The following EML4 variants were observed in gnomAD, a reference collection of about 807,000 sequenced individuals.
EML4 encodes the protein EMAP like 4, also known as echinoderm microtubule-associated protein-like 4.
Under a neutral mutation model 129.0 loss-of-function variants are expected in EML4, and 72 were observed. The observed-to-expected ratio is 0.56, with a 90% CI of 0.46 to 0.68. EML4 has a LOEUF of 0.68. EML4 is among the 30% of genes least tolerant of loss of function. The pLI, the probability that EML4 is intolerant of heterozygous loss-of-function variation, is 0.00. For synonymous variants in EML4, 532 were observed against 405.0 expected (o/e 1.31, Z -3.77); for missense variants, 1,363 against 1,190.6 (o/e 1.14, Z -2.13).
At chr2:42,172,223 GTACTT>G (rs1670324805) in intron 1 of EML4, among the ~76,000 whole-genome samples, 1 of 152,134 alleles carries the variant, frequency 6.6e-6, no homozygotes, top group Non-Finnish European at 1.5e-5. Flanking sequence ...GAAAAATTGA[GTACTT>G]TATAAACAGA....
intron 1 of EML4, among the ~76,000 whole-genome samples, chr2:42,183,912 G>T (rs552622267): frequency 5.3e-5 from 8 of 152,252 alleles, no homozygotes; most frequent in African/African-American, 1.9e-4. Flanking sequence ...GTGGGTGGTT[G>T]TGTTGGTAGA....
At chr2:42,230,204 T>G (rs746444999) in intron 1 of EML4, among the ~76,000 whole-genome samples, 3 of 152,138 alleles carry the variant, frequency 2.0e-5, no homozygotes, top group Admixed American at 6.5e-5. Flanking sequence ...AACCACTGTT[T>G]GGAGAGTTAT....
rs1041571298 is a variant in EML4, at chr2:42,311,005, A to C, written c.1968-4957A>C. Among the ~76,000 whole-genome samples, 5 of 152,240 alleles carry C rather than the reference A, an allele frequency of 3.3e-5. No homozygotes were observed. The South Asian group carries it at 1.0e-3, about 32-fold the overall frequency. ...ATGATTTACCAAAAGTAGAAGAATT[A>C]GTGTCTAATAATGTATTAATAATTA... On this transcript the variant is annotated intron_variant, in intron 17 of 22. Coordinates refer to ENST00000318522, the MANE Select transcript of EML4 (RefSeq NM_019063.5).
intron 1 of EML4, among the ~76,000 whole-genome samples, chr2:42,192,243 T>TGGG (rs369627234): frequency 2.8e-5 from 4 of 145,052 alleles, no homozygotes; most frequent in African/African-American, 1.1e-4. Flanking sequence ...TTTTTTTTTT[T>TGGG]GGGGGGGGGA....
intron 1 of EML4, among the ~76,000 whole-genome samples, chr2:42,231,343 C>A (rs959101587): frequency 6.6e-6 from 1 of 152,200 alleles, no homozygotes; most frequent in Non-Finnish European, 1.5e-5. Flanking sequence ...TCAATTCTCA[C>A]AACTCCAGTT....
At chr2:42,226,197 T>TA (rs1305583127) in intron 1 of EML4, among the ~76,000 whole-genome samples, 2 of 152,090 alleles carry the variant, frequency 1.3e-5, no homozygotes, top group African/African-American at 4.8e-5. Flanking sequence ...ATCTTCCAGA[T>TA]ACACTTAAAT....
rs1420251747 is a variant in EML4 at position 42,255,359 on chromosome 2, A to C, written c.209-1142A>C. 2.0e-5 allele frequency among the ~76,000 whole-genome samples: 3 copies of C among 152,176 alleles called. No individual in the cohort carries two copies. The East Asian group carries it at 5.8e-4, about 29-fold the overall frequency. ...CTCAGCCTCCCAAAGTGCTGGGATTACAGGCTGAGCCACCGCGCCCAGCCA... is the reference window on the plus strand; with the variant it reads ...CTCAGCCTCCCAAAGTGCTGGGATTCCAGGCTGAGCCACCGCGCCCAGCCA... On this transcript the variant is annotated intron_variant, in intron 2 of 22. Transcript: ENST00000318522.
intron 6 of EML4, among the ~76,000 whole-genome samples, chr2:42,272,977 A>G (rs1666456553): frequency 6.6e-6 from 1 of 152,162 alleles, no homozygotes. Flanking sequence ...CAGAATTTTT[A>G]TATACAGGTT....
At chr2:42,201,051 T>C (rs1672202676) in intron 1 of EML4, among the ~76,000 whole-genome samples, 1 of 152,218 alleles carries the variant, frequency 6.6e-6, no homozygotes, top group Non-Finnish European at 1.5e-5. Flanking sequence ...TTAAGTTCTT[T>C]TAAGTGAAGG....
At chr2:42,265,002 A>G in intron 6 of EML4, 3 of 1,507,220 alleles carry the variant, frequency 2.0e-6, no homozygotes, top group Admixed American at 2.1e-5. Context: ...TTTTTCCTGG[A>G]TCTCTTATTT....
At chr2:42,234,954 C>G (rs1422895822) in intron 1 of EML4, among the ~76,000 whole-genome samples, 3 of 152,066 alleles carry the variant, frequency 2.0e-5, no homozygotes, top group African/African-American at 4.8e-5. Flanking sequence ...GCCAGGAGTT[C>G]AAGGCCAGCC....
intron 7 of EML4, among the ~76,000 whole-genome samples, chr2:42,282,555 G>A (rs1394817407): frequency 3.3e-5 from 5 of 151,946 alleles, no homozygotes; most frequent in African/African-American, 7.3e-5. Context: ...CACCATGCCT[G>A]GCTAATTTTT....
intron 5 of EML4, 38 bp downstream of exon 5, chr2:42,263,344 A>G (rs370198065): frequency 1.9e-6 from 3 of 1,564,954 alleles, no homozygotes; most frequent in African/African-American, 2.8e-5. Flanking sequence ...CTGAAAAGTA[A>G]TAATTATTTG....
intron 1 of EML4, among the ~76,000 whole-genome samples, chr2:42,178,082 A>G (rs1670711236): frequency 6.6e-6 from 1 of 152,266 alleles, no homozygotes; most frequent in Non-Finnish European, 1.5e-5. Context: ...ACAAGTTTTT[A>G]GAATCTGAAT....
At chr2:42,320,566 A>G (rs535137348) in intron 19 of EML4, among the ~76,000 whole-genome samples, 6 of 152,176 alleles carry the variant, frequency 3.9e-5, no homozygotes, top group African/African-American at 7.2e-5. Flanking sequence ...ATTATTTTCC[A>G]TGACTAGATG....
chr2:42,326,325 T>C, intron 21 of EML4, 73 bp downstream of exon 21: 1 of 1,014,694 alleles, frequency 9.9e-7, no homozygotes, highest in Non-Finnish European at 1.5e-6. Flanking sequence ...TGCTTAAATT[T>C]ATAAATGAAA....
At chr2:42,296,477 T>TTCTCTCTC (rs10689031) in intron 13 of EML4, among the ~76,000 whole-genome samples, 2 of 148,920 alleles carry the variant, frequency 1.3e-5, no homozygotes, top group Non-Finnish European at 3.0e-5. Context: ...CACCTTATAC[T>TTCTCTCTC]TCTCTCTCTC....
chr2:42,285,458 A>G (rs936967980), intron 9 of EML4, among the ~76,000 whole-genome samples: 1 of 152,116 alleles, frequency 6.6e-6, no homozygotes, highest in African/African-American at 2.4e-5. Flanking sequence ...TTCAAATGCT[A>G]TTTAAGGGCT....
Position 42,282,897 on chromosome 2 carries a change from C to G in EML4, c.866C>G (p.Ala289Gly). The G allele has an allele frequency of 6.2e-7, 1 of 1,610,496 alleles. No homozygotes were observed. The highest frequency in any genetic ancestry group is 8.5e-7 in the Non-Finnish European group (1 of 1,176,718). The change falls in exon 8 of 23, where the codon GCA (alanine) becomes GGA (glycine). Residue 289 changes from alanine to glycine, a missense_variant. Transcript: ENST00000318522. ...ACCGGGAAAATAGTTTATTTCATTG[C>G]ATCAGTAGTAGTACTATTTAATTAT... is the stretch of plus-strand genomic sequence containing the variant. The part of the protein sequence containing the change: ...LPTGKIVYFI[A>G]SVVVLFNYEE...
Sources: gnomAD v4.1 joint callset for allele counts (sites outside exome capture counted in the v4.1 genomes callset) on GRCh38, gnomAD v4.1.1 for gene constraint, MANE v1.5 for transcripts, NCBI Gene and HGNC (gene_info 2026-07-23, HGNC 2026-07-21) for gene names.